Variants in CACNA1B observed in about 807,000 individuals in gnomAD.
The protein encoded by CACNA1B is voltage-dependent N-type calcium channel subunit alpha-1B.
Under a neutral mutation model 247.2 loss-of-function variants are expected in CACNA1B, and 70 were observed. The ratio of observed to expected loss-of-function variants is 0.28; its 90% confidence interval spans 0.23 to 0.35. The LOEUF (loss-of-function observed/expected upper bound fraction) is 0.35, where lower values mean the gene tolerates loss of function less well. Ranked by LOEUF, CACNA1B falls within the 10% of genes least tolerant of loss-of-function variation. The pLI is 1.00. For missense variants in CACNA1B, 2,367 were observed against 3,197.4 expected, an observed-to-expected ratio of 0.74 and a Z score of 6.26; for synonymous variants, 1,231 against 1,294.4, an observed-to-expected ratio of 0.95 and a Z score of 1.05.
chr9:138,094,688 T>C (rs2131340294), intron 36 of CACNA1B, among the ~76,000 whole-genome samples: 1 of 152,256 alleles, frequency 6.6e-6, no homozygotes, highest in East Asian at 1.9e-4. Context: ...CAAAATGTAC[T>C]AGAAAGCTAC....
chr9:137,919,274 C>T lies in CACNA1B; in HGVS notation c.966+1843C>T, dbSNP rs766801055. Among the ~76,000 whole-genome samples the T allele has an allele frequency of 5.9e-5, 9 of 152,176 alleles. No homozygotes were observed. Among genetic ancestry groups the T allele is most frequent in the East Asian group, 1.9e-4 (1 of 5,188 alleles). On this transcript the variant is annotated intron_variant, in intron 6 of 46. Transcript: ENST00000371372. The surrounding 1 kb of genome is among the most constrained non-coding windows in gnomAD (Gnocchi z 4.6). ...CAGTGGTGAGCAGAGGCATTCGACA[C>T]GTAAGGGCATGGACAGTGGCGAGTG...
intron 32 of CACNA1B, among the ~76,000 whole-genome samples, chr9:138,070,270 T>C (rs1960077872): frequency 6.6e-6 from 1 of 152,192 alleles, no homozygotes; most frequent in South Asian, 2.1e-4. Context: ...GACCGTGCCT[T>C]GGAGTGGGCA....
At chr9:137,904,461 G>A (rs1416422557) in intron 3 of CACNA1B, among the ~76,000 whole-genome samples, 1 of 150,544 alleles carries the variant, frequency 6.6e-6, no homozygotes, top group Non-Finnish European at 1.5e-5. Flanking sequence ...CAACCTCCTG[G>A]GCTCAAGCCA....
rs769202155 is a variant in CACNA1B, at chr9:138,058,651, C to T, written c.4391C>T (p.Thr1464Met). The change falls in exon 29 of 47, where the codon ACG becomes ATG. Residue 1464 changes from threonine (T) to methionine (M), a missense_variant. Around this residue, in one of 12 missense-constraint regions of CACNA1B, gnomAD observed 436 missense variants for 679.5 expected, o/e 0.64. Transcript: ENST00000371372. This position sits in a 1 kb window ranked among gnomAD's most constrained non-coding sequence, Gnocchi z 4.7. Reference sequence around the variant, plus strand: ...AACCGGCAGTCGTTCCAGTATAAGACGTGGACATTTGTGGTCTCCCCGCCC... The same window carrying T: ...AACCGGCAGTCGTTCCAGTATAAGATGTGGACATTTGTGGTCTCCCCGCCC... ...PQNRQSFQYKTWTFVVSPPFE... is the reference protein window; with the variant it reads ...PQNRQSFQYKMWTFVVSPPFE... The T allele has an allele frequency of 5.0e-6, 8 of 1,613,560 alleles. No individual in the cohort carries two copies. Among genetic ancestry groups the T allele is most frequent in the East Asian group, 2.2e-5 (1 of 44,880 alleles).
intron 20 of CACNA1B, among the ~76,000 whole-genome samples, chr9:138,026,503 G>A (rs1394824195): frequency 2.6e-5 from 4 of 152,204 alleles, no homozygotes; most frequent in Non-Finnish European, 5.9e-5. Flanking sequence ...TTTCTAGACT[G>A]TCATAGGGTT....
At chr9:137,894,281 C>T (rs550640781) in intron 3 of CACNA1B, among the ~76,000 whole-genome samples, 9 of 150,104 alleles carry the variant, frequency 6.0e-5, no homozygotes, top group South Asian at 2.1e-4. Context: ...ACAGCCTCGC[C>T]GGCACGGGGG....
intron 3 of CACNA1B, among the ~76,000 whole-genome samples, chr9:137,895,753 A>C (rs1226405812): frequency 6.6e-6 from 1 of 152,216 alleles, no homozygotes; most frequent in African/African-American, 2.4e-5. Flanking sequence ...GGAATTTCCT[A>C]TGTTGACAAA....
At chr9:137,906,159 G>T (rs1367444416) in intron 3 of CACNA1B, among the ~76,000 whole-genome samples, 1 of 152,122 alleles carries the variant, frequency 6.6e-6, no homozygotes, top group Non-Finnish European at 1.5e-5. Context: ...ACACAACTTT[G>T]AATTCTTCGT....
chr9:138,067,864 G>A (rs1174054122), intron 31 of CACNA1B, among the ~76,000 whole-genome samples: 1 of 152,210 alleles, frequency 6.6e-6, no homozygotes, highest in African/African-American at 2.4e-5. Context: ...ACCCCCAGAG[G>A]CATTTTCACA....
At chr9:137,940,762 A>G (rs143963515) in intron 6 of CACNA1B, among the ~76,000 whole-genome samples, 1,536 of 152,342 alleles carry the variant, frequency 0.01, 9 homozygotes, top group East Asian at 0.014. Context: ...ATGGTTTAAC[A>G]TACTCAAGTC....
In CACNA1B at chr9:138,013,259, T is replaced by A; in HGVS notation, c.2267+24T>A. 3 of 1,535,170 alleles carry A rather than the reference T, an allele frequency of 2.0e-6. No homozygotes were observed. In the South Asian group the frequency reaches 3.7e-5, roughly 19 times the overall value. On this transcript the variant is annotated intron_variant, in intron 18 of 46. Transcript: ENST00000371372. Reference sequence around the variant, plus strand: ...GCGTAAGGCTCCTAGGAGTGGATTGTGGGGTGGCAGTGGGGCTGCTGCAGG... The same window carrying A: ...GCGTAAGGCTCCTAGGAGTGGATTGAGGGGTGGCAGTGGGGCTGCTGCAGG...
chr9:138,048,286 G>C (rs1959200040), intron 23 of CACNA1B, among the ~76,000 whole-genome samples: 1 of 152,212 alleles, frequency 6.6e-6, no homozygotes, highest in African/African-American at 2.4e-5. Flanking sequence ...GTGAAGGTCT[G>C]CGTAACTGCA....
At chr9:138,021,085 G>A (rs1958839722) in intron 18 of CACNA1B, among the ~76,000 whole-genome samples, 1 of 152,210 alleles carries the variant, frequency 6.6e-6, no homozygotes, top group Non-Finnish European at 1.5e-5. Context: ...CCTGTGCCTG[G>A]TGCAAGCCCC....
At position 137,912,705 on chromosome 9, in the gene CACNA1B, G is replaced by A. The variant is rs80061984; in HGVS notation, c.531-475G>A. 4.9e-3 allele frequency among the ~76,000 whole-genome samples: 751 copies of A among 152,252 alleles called. 5 individuals carry two copies. The highest frequency in any genetic ancestry group is 0.017 in the African/African-American group (700 of 41,540). On this transcript the variant is annotated intron_variant, in intron 3 of 46. Transcript: ENST00000371372. ...CCCTGTCTTCCTGAGATAAGGGAAA[G>A]AATGGTGGTATATGGGGGTCGGTTC...
chr9:138,010,101 G>C lies in CACNA1B; in HGVS notation c.2160+24G>C. ...AGGTAGGTGGCGACAGGGAGGGACC[G>C]GTGTCAGCCCATGTCACTTGAATGT... is the stretch of plus-strand genomic sequence containing the variant. On this transcript the variant is annotated intron_variant, in intron 17 of 46. Coordinates refer to ENST00000371372, the MANE Select transcript of CACNA1B (RefSeq NM_000718.4). This position sits in a 1 kb window ranked among gnomAD's most constrained non-coding sequence, Gnocchi z 5.3. 6.3e-7 allele frequency: 1 copy of C among 1,593,964 alleles called. No individual in the cohort carries two copies. The highest frequency in any genetic ancestry group is 8.6e-7 in the Non-Finnish European group (1 of 1,161,734).
In CACNA1B at chr9:138,053,834, C is replaced by T; in HGVS notation, c.3808-12C>T. ...CCACCCCCTCATCATGGCTCCACCC[C>T]TCCTCCTGCAGGCTGTGTTTGACTG... On this transcript the variant is annotated splice_polypyrimidine_tract_variant and intron_variant, in intron 25 of 46. Coordinates refer to ENST00000371372, the MANE Select transcript of CACNA1B (RefSeq NM_000718.4). The T allele has an allele frequency of 1.2e-6, 2 of 1,609,654 alleles. No individual in the cohort carries two copies. Among genetic ancestry groups the T allele is most frequent in the Non-Finnish European group, 1.7e-6 (2 of 1,176,306 alleles).
chr9:137,900,285 A>T (rs549233336), intron 3 of CACNA1B, among the ~76,000 whole-genome samples: 2 of 152,186 alleles, frequency 1.3e-5, no homozygotes, highest in South Asian at 4.1e-4. Flanking sequence ...GTTTTGGGTT[A>T]GGGTTAGGGG....
chr9:138,078,816 G>A (rs1960416592), intron 36 of CACNA1B, among the ~76,000 whole-genome samples: 1 of 152,200 alleles, frequency 6.6e-6, no homozygotes, highest in African/African-American at 2.4e-5. Flanking sequence ...GGTGGGATTA[G>A]GCTGCATTTT....
At chr9:137,930,177 G>A (rs573388460) in intron 6 of CACNA1B, among the ~76,000 whole-genome samples, 24 of 152,286 alleles carry the variant, frequency 1.6e-4, no homozygotes, top group African/African-American at 5.1e-4. Flanking sequence ...AGTGGCTCAC[G>A]CTGGGGGTTT....
Sources: allele counts gnomAD v4.1 joint callset (sites outside exome capture counted in the v4.1 genomes callset), GRCh38; gene constraint gnomAD v4.1.1; regional missense constraint gnomAD v4.1.1; non-coding constraint Gnocchi (gnomAD v3.1); transcripts MANE v1.5; gene names NCBI Gene and HGNC (gene_info 2026-07-23, HGNC 2026-07-21).